The following SPTAN1 variants were observed in gnomAD, a reference collection of about 807,000 sequenced individuals.
SPTAN1 encodes the protein spectrin alpha chain, non-erythrocytic 1.
Under a neutral mutation model 331.3 loss-of-function variants are expected in SPTAN1, and 61 were observed. The ratio of observed to expected loss-of-function variants is 0.18; its 90% confidence interval spans 0.15 to 0.23. SPTAN1 has a LOEUF of 0.23. Ranked by LOEUF, SPTAN1 falls within the 10% of genes least tolerant of loss-of-function variation. The probability of loss-of-function intolerance (pLI) is 1.00; values close to 1 mark genes in which losing one functional copy is unlikely to be tolerated. For missense variants in SPTAN1, 2,043 were observed against 3,147.9 expected (o/e 0.65, Z 8.40); for synonymous variants, 1,153 against 1,173.9 (o/e 0.98, Z 0.36).
At position 128,617,766 on chromosome 9, in the gene SPTAN1, G is replaced by A; in HGVS notation, c.5478+6G>A. The A allele has an allele frequency of 6.2e-7, 1 of 1,613,846 alleles. No homozygotes were observed. The highest frequency in any genetic ancestry group is 1.1e-5 in the South Asian group (1 of 91,062). The stretch of plus-strand genomic sequence containing the variant: ...CGCATGAGCCGGCTATTCAGGTAAG[G>A]AGGCCGCCTTCTGGCCAAGAGGGCA... On this transcript the variant is annotated splice_donor_region_variant and intron_variant, in intron 42 of 56. Transcript: ENST00000372739.
chr9:128,590,108 G>A (rs1853276001), intron 21 of SPTAN1, among the ~76,000 whole-genome samples: 1 of 152,206 alleles, frequency 6.6e-6, no homozygotes, highest in South Asian at 2.1e-4. Context: ...TTTAGTTAAG[G>A]CTGGAGAAAT....
Position 128,632,565 on chromosome 9 carries a change from G to A in SPTAN1, c.7014-7G>A, listed in dbSNP as rs751517664. 1.2e-6 allele frequency: 2 copies of A among 1,614,104 alleles called. No homozygotes were observed. Among genetic ancestry groups the A allele is most frequent in the South Asian group, 1.1e-5 (1 of 91,090 alleles). ...CCTGCTGAGCCGCCCTCGGCTTTGTGCTGCAGACACTTTGACAAGGACAAG... is the reference window on the plus strand; with the variant it reads ...CCTGCTGAGCCGCCCTCGGCTTTGTACTGCAGACACTTTGACAAGGACAAG... On this transcript the variant is annotated splice_polypyrimidine_tract_variant and splice_region_variant and intron_variant, in intron 54 of 56. Transcript: ENST00000372739.
At chr9:128,579,509 A>G in intron 9 of SPTAN1, 128 bp from the exon 10 acceptor site, 1 of 734,710 alleles carries the variant, frequency 1.4e-6, no homozygotes, top group Admixed American at 2.1e-5. Context: ...ATCTGGCCTA[A>G]TCTTTCATTT....
intron 37 of SPTAN1, among the ~76,000 whole-genome samples, chr9:128,610,747 T>C (rs1668851708): frequency 6.6e-6 from 1 of 152,194 alleles, no homozygotes; most frequent in African/African-American, 2.4e-5. Flanking sequence ...GAGCCCATCC[T>C]TCTCCTAGCC....
In SPTAN1 at chr9:128,632,503, G is replaced by A. The variant is rs370654629; in HGVS notation, c.7013+19G>A. The A allele has an allele frequency of 4.6e-5, 75 of 1,614,170 alleles. No homozygotes were observed. Among genetic ancestry groups the A allele is most frequent in the East Asian group, 1.6e-4 (7 of 44,890 alleles). On this transcript the variant is annotated intron_variant, in intron 54 of 56. Coordinates refer to ENST00000372739, the MANE Select transcript of SPTAN1 (RefSeq NM_001130438.3). Reference sequence around the variant, plus strand: ...TGTTTAAGTGAGTTCAGCCTTACTCGCCCTGGCTGGGTGGGGGGTGTTCGG... The same window carrying A: ...TGTTTAAGTGAGTTCAGCCTTACTCACCCTGGCTGGGTGGGGGGTGTTCGG...
In SPTAN1 at chr9:128,609,105, T is replaced by C; in HGVS notation, c.4596-17T>C. ...TAAGATATGCTCATGTTGGATCTCA[T>C]GGTTTCACTCTTTCAGGTGGCGACG... On this transcript the variant is annotated splice_polypyrimidine_tract_variant and intron_variant, in intron 35 of 56. Coordinates refer to ENST00000372739, the MANE Select transcript of SPTAN1 (RefSeq NM_001130438.3). 4.3e-6 allele frequency: 7 copies of C among 1,614,228 alleles called. No homozygotes were observed. The highest frequency in any genetic ancestry group is 1.1e-5 in the South Asian group (1 of 91,084).
chr9:128,616,302 G>C (rs1857161076), intron 41 of SPTAN1, among the ~76,000 whole-genome samples: 1 of 151,466 alleles, frequency 6.6e-6, no homozygotes, highest in Non-Finnish European at 1.5e-5. Flanking sequence ...ATTTTTAGTA[G>C]AGACAGGGTT....
chr9:128,617,824 A>G lies in SPTAN1; in HGVS notation c.5478+64A>G, dbSNP rs570184267. 50 of 1,612,230 alleles carry G rather than the reference A, an allele frequency of 3.1e-5. No homozygotes were observed. The East Asian group carries it at 1.0e-3, about 34-fold the overall frequency. On this transcript the variant is annotated intron_variant, in intron 42 of 56. Transcript: ENST00000372739. ...TTGAGTGGGCCCCAGGGGACAGACA[A>G]ACCCCTTGCGCTTATTTCACTGAGG... is the stretch of plus-strand genomic sequence containing the variant.
At chr9:128,622,092 T>C in intron 45 of SPTAN1, 1 of 152,508 alleles carries the variant, frequency 6.6e-6, no homozygotes, top group East Asian at 1.9e-4. Flanking sequence ...TAAAATCCAC[T>C]TCACTGGAGA....
chr9:128,609,622 A>G (rs1398036738), intron 36 of SPTAN1, 29 bp from the exon 37 acceptor site: 16 of 1,517,854 alleles, frequency 1.1e-5, no homozygotes, highest in Non-Finnish European at 1.4e-5. Flanking sequence ...AGTGTACTGA[A>G]CTCTTGTTCT....
In SPTAN1 at chr9:128,600,035, C is replaced by A. The variant is rs750772716; in HGVS notation, c.3544-45C>A. ...GCTGGAAAGGCCAGGTGCTTTGTTT[C>A]ATGGTCAATTGCTTGGCTGCCTAAA... On this transcript the variant is annotated intron_variant, in intron 26 of 56. Coordinates refer to ENST00000372739, the MANE Select transcript of SPTAN1 (RefSeq NM_001130438.3). 6 of 1,610,850 alleles carry A rather than the reference C, an allele frequency of 3.7e-6. No individual in the cohort carries two copies. In the South Asian group the frequency reaches 4.4e-5, roughly 12 times the overall value.
rs558661631 is a variant in SPTAN1, at chr9:128,557,656, T to C, written c.-4+4960T>C. On this transcript the variant is annotated intron_variant, in intron 1 of 56. Coordinates refer to ENST00000372739, the MANE Select transcript of SPTAN1 (RefSeq NM_001130438.3). ...AGAACTGCCTCAAACAGCTGTCTCT[T>C]GGCGTTCATCAATAAGACAAAGATA... Among the ~76,000 whole-genome samples, 10 of 152,176 alleles carry C rather than the reference T, an allele frequency of 6.6e-5. No individual in the cohort carries two copies. The South Asian group carries it at 2.1e-3, about 32-fold the overall frequency.
rs753935525 is a variant in SPTAN1 at position 128,626,674 on chromosome 9, A to G, written c.6563A>G (p.Gln2188Arg). ...CTGGAGGAGACCTGGAGGAACCTAC[A>G]GAAAATCATCAAGGTACACCTCCCG... ...EALEETWRNL[Q>R]KIIKERELEL... Residue 2188 changes from glutamine to arginine, a missense_variant, in exon 49 of 57, where the codon CAG (glutamine) becomes CGG (arginine). Gln to Arg is a conservative substitution (Grantham distance 43, BLOSUM62 1). Around this residue, in one of 12 missense-constraint regions of SPTAN1, gnomAD observed 256 missense variants for 376.4 expected, o/e 0.68. Coordinates refer to ENST00000372739, the MANE Select transcript of SPTAN1 (RefSeq NM_001130438.3). 6.2e-6 allele frequency: 10 copies of G among 1,610,944 alleles called. No individual in the cohort carries two copies. The highest frequency in any genetic ancestry group is 7.6e-6 in the Non-Finnish European group (9 of 1,179,018).
rs1859251502 is a variant in SPTAN1 at position 128,629,092 on chromosome 9, G to A, written c.6707+1150G>A. ...GTGTGCTCTTGCCTCCCCTCCCTTT[G>A]GTGTATTCATTTGGTTTCTTTTCTT... On this transcript the variant is annotated intron_variant, in intron 51 of 56. Transcript: ENST00000372739. This position sits in a 1 kb window ranked among gnomAD's most constrained non-coding sequence, Gnocchi z 4.9. 2 of 398,704 alleles carry A rather than the reference G, an allele frequency of 5.0e-6. No homozygotes were observed. Among genetic ancestry groups the A allele is most frequent in the Non-Finnish European group, 8.8e-6 (2 of 226,176 alleles). The allele number at this position is 398,704 out of a possible 1,614,324, so 24.7% of individuals were successfully genotyped here.
intron 1 of SPTAN1, among the ~76,000 whole-genome samples, chr9:128,560,169 A>T (rs7866931): frequency 1.4e-4 from 20 of 148,136 alleles, no homozygotes; most frequent in Middle Eastern, 3.5e-3. Context: ...CTGCAACCTC[A>T]GCCTCCCGGG....
At chr9:128,613,742 G>A (rs979587864) in intron 40 of SPTAN1, among the ~76,000 whole-genome samples, 22 of 152,098 alleles carry the variant, frequency 1.4e-4, no homozygotes, top group African/African-American at 2.4e-4. Flanking sequence ...AGTGGCTTAC[G>A]GCTGTAATCC....
At chr9:128,602,464 G>A (rs1414312669) in intron 27 of SPTAN1, among the ~76,000 whole-genome samples, 6 of 151,722 alleles carry the variant, frequency 4.0e-5, no homozygotes, top group African/African-American at 7.3e-5. Context: ...TGATCCACCC[G>A]CCTTGGCCTC....
intron 51 of SPTAN1, 113 bp from the exon 52 acceptor site, chr9:128,630,200 GTTTGGTTT>G (rs1859473687): frequency 9.3e-7 from 1 of 1,079,634 alleles, no homozygotes; most frequent in African/African-American, 1.6e-5. Context: ...TTGCAGTTAG[GTTTGGTTT>G]CCTTAAAAGG....
At chr9:128,556,204 G>A (rs1176893175) in intron 1 of SPTAN1, among the ~76,000 whole-genome samples, 1 of 151,678 alleles carries the variant, frequency 6.6e-6, no homozygotes, top group African/African-American at 2.4e-5. Context: ...CCAGGTGACA[G>A]TGCGAGACTC....
Sources: gnomAD v4.1 joint callset for allele counts (sites outside exome capture counted in the v4.1 genomes callset) on GRCh38, gnomAD v4.1.1 for gene constraint, gnomAD v4.1.1 regional missense constraint, Gnocchi (gnomAD v3.1) non-coding constraint, MANE v1.5 for transcripts, NCBI Gene and HGNC (gene_info 2026-07-23, HGNC 2026-07-21) for gene names.